The following NRP1 variants were observed in gnomAD, a reference collection of about 807,000 sequenced individuals.
NRP1 encodes neuropilin-1.
Under a neutral mutation model 106.7 loss-of-function variants are expected in NRP1, and 35 were observed. That is an observed-to-expected ratio of 0.33 (90% CI 0.25 to 0.43). The LOEUF (loss-of-function observed/expected upper bound fraction) is 0.43. Among genes scored for constraint, NRP1 ranks in the 20% least tolerant of loss-of-function variants. NRP1 has a pLI of 1.00. For synonymous variants in NRP1, 437 were observed against 417.9 expected (o/e 1.05, Z -0.56); for missense variants, 1,024 against 1,170.4 (o/e 0.87, Z 1.83).
chr10:33,235,974 A>G (rs570949861), intron 6 of NRP1, among the ~76,000 whole-genome samples: 2 of 152,346 alleles, frequency 1.3e-5, no homozygotes, highest in African/African-American at 2.4e-5. Context: ...CAAAAAGATG[A>G]CATTTTAATG....
chr10:33,251,894 AG>A (rs1399340624), intron 6 of NRP1, among the ~76,000 whole-genome samples: 1 of 152,060 alleles, frequency 6.6e-6, no homozygotes, highest in Admixed American at 6.5e-5. Context: ...ATGGTACAGA[AG>A]GGGGAAGGGA....
intron 2 of NRP1, among the ~76,000 whole-genome samples, chr10:33,309,688 A>G (rs1485170622): frequency 6.6e-6 from 1 of 152,116 alleles, no homozygotes; most frequent in Non-Finnish European, 1.5e-5. Context: ...ACGCCTTCCC[A>G]TTGTCCTTGG....
intron 4 of NRP1, among the ~76,000 whole-genome samples, chr10:33,260,985 CAAAAAAAA>C (rs35665366): frequency 0.028 from 1,697 of 60,068 alleles, 23 homozygotes; most frequent in Middle Eastern, 0.078. Flanking sequence ...TGCCATTGAC[CAAAAAAAA>C]AAAAAAAAAA....
rs528953469 is a variant in NRP1, at chr10:33,236,366, G to C, written c.982-10077C>G. Among the ~76,000 whole-genome samples, 8 of 152,338 alleles carry C rather than the reference G, an allele frequency of 5.3e-5. No individual in the cohort carries two copies. In the East Asian group the frequency reaches 1.5e-3, roughly 29 times the overall value. On this transcript the variant is annotated intron_variant, in intron 6 of 16. Coordinates refer to ENST00000374867, the MANE Select transcript of NRP1 (RefSeq NM_003873.7). ...TCAGCGCATGTGCTCTTGCTAGATGGGTTTACTTAATAAAGAGTTAGCAAG... is the reference window on the plus strand; with the variant it reads ...TCAGCGCATGTGCTCTTGCTAGATGCGTTTACTTAATAAAGAGTTAGCAAG...
At chr10:33,191,030 AT>A (rs547736265) in intron 13 of NRP1, among the ~76,000 whole-genome samples, 106 of 149,360 alleles carry the variant, frequency 7.1e-4, no homozygotes, top group African/African-American at 2.5e-3. Flanking sequence ...TAAAAAAAAA[AT>A]TTATTTTGTA....
At chr10:33,319,588 C>CTTTT (rs35886672) in intron 2 of NRP1, among the ~76,000 whole-genome samples, 72 of 115,550 alleles carry the variant, frequency 6.2e-4, no homozygotes, top group Non-Finnish European at 7.3e-4. Flanking sequence ...TTCTTTCTTT[C>CTTTT]TTTTTTTTTT....
chr10:33,193,443 A>T (rs947162415), intron 12 of NRP1, among the ~76,000 whole-genome samples: 1 of 152,226 alleles, frequency 6.6e-6, no homozygotes, highest in Non-Finnish European at 1.5e-5. Flanking sequence ...TCGTCCTCCT[A>T]TAAAGAACGA....
At chr10:33,208,244 G>A (rs964827090) in intron 9 of NRP1, among the ~76,000 whole-genome samples, 3 of 152,136 alleles carry the variant, frequency 2.0e-5, no homozygotes, top group Non-Finnish European at 2.9e-5. Flanking sequence ...GTGGAGACAG[G>A]GTCTCATGAT....
At chr10:33,280,369 G>A (rs1409627425) in intron 2 of NRP1, among the ~76,000 whole-genome samples, 12 of 152,126 alleles carry the variant, frequency 7.9e-5, no homozygotes, top group Admixed American at 7.9e-4. Flanking sequence ...GACTTGCAAA[G>A]TTCAGTATTT....
intron 11 of NRP1, among the ~76,000 whole-genome samples, chr10:33,200,240 C>A: frequency 6.6e-6 from 1 of 152,284 alleles, no homozygotes; most frequent in Non-Finnish European, 1.5e-5. Flanking sequence ...GCAAATTCCA[C>A]GGTTGGGTAC....
rs78598191 is a variant in NRP1 at position 33,216,892 on chromosome 10, T to C, written c.1283-3175A>G. Among the ~76,000 whole-genome samples the C allele has an allele frequency of 2.3e-3, 354 of 152,296 alleles. 2 individuals carry two copies. The highest frequency in any genetic ancestry group is 8.3e-3 in the African/African-American group (344 of 41,556). On this transcript the variant is annotated intron_variant, in intron 8 of 16. Transcript: ENST00000374867. ...TTATACATAGTATTTGCTCAACAAA[T>C]ATTTGTTGAATGAATCAACTTAATA...
intron 6 of NRP1, among the ~76,000 whole-genome samples, chr10:33,226,611 T>G (rs1245673821): frequency 6.6e-6 from 1 of 152,218 alleles, no homozygotes; most frequent in East Asian, 1.9e-4. Flanking sequence ...CAGACAAGCC[T>G]CATTATTATA....
chr10:33,261,459 AT>A (rs760848909), intron 4 of NRP1, among the ~76,000 whole-genome samples: 1 of 152,194 alleles, frequency 6.6e-6, no homozygotes, highest in African/African-American at 2.4e-5. Flanking sequence ...TATTTTCCTA[AT>A]TATCAGATTG....
At chr10:33,333,905 A>G (rs991394857) in intron 1 of NRP1, among the ~76,000 whole-genome samples, 8 of 152,208 alleles carry the variant, frequency 5.3e-5, no homozygotes, top group Non-Finnish European at 1.2e-4. Context: ...TTAGGGGAGC[A>G]GCAAAGGAAC....
At chr10:33,200,304 T>C (rs1311911514) in intron 11 of NRP1, among the ~76,000 whole-genome samples, 2 of 152,186 alleles carry the variant, frequency 1.3e-5, no homozygotes, top group Non-Finnish European at 2.9e-5. Flanking sequence ...CCAAGTGTAT[T>C]ATCTAATGAC....
chr10:33,205,453 T>C (rs1837694440), intron 10 of NRP1: 3 of 152,158 alleles, frequency 2.0e-5, no homozygotes, highest in Admixed American at 1.3e-4. Flanking sequence ...GGAATTGCAA[T>C]AGAGAAAGAG....
rs535114970 is a variant in NRP1, at chr10:33,273,633, A to G, written c.249-2777T>C. ...GGATGTCGAGATCCCCAGTCACGAC[A>G]GCACAGCAGCCCGGCAAAGGTGAGA... On this transcript the variant is annotated intron_variant, in intron 2 of 16. Transcript: ENST00000374867. Among the ~76,000 whole-genome samples, 414 of 152,364 alleles carry G rather than the reference A, an allele frequency of 2.7e-3. 1 individual carries two copies. The highest frequency in any genetic ancestry group is 4.8e-3 in the Admixed American group (73 of 15,312).
chr10:33,333,414 T>C (rs1198586038), intron 1 of NRP1, among the ~76,000 whole-genome samples: 3 of 152,208 alleles, frequency 2.0e-5, no homozygotes, highest in Non-Finnish European at 4.4e-5. Context: ...CGGTCTCTTA[T>C]TAAAACAATA....
intron 2 of NRP1, among the ~76,000 whole-genome samples, chr10:33,330,355 C>G (rs1490551885): frequency 1.4e-5 from 2 of 140,954 alleles, no homozygotes; most frequent in Non-Finnish European, 3.1e-5. Flanking sequence ...CGTAAAAATA[C>G]AAGTGAGATT....
Sources: gnomAD v4.1 joint callset for allele counts (sites outside exome capture counted in the v4.1 genomes callset) on GRCh38, gnomAD v4.1.1 for gene constraint, MANE v1.5 for transcripts, NCBI Gene and HGNC (gene_info 2026-07-23, HGNC 2026-07-21) for gene names.